ZFHX3: variants seen among roughly 807,000 people sequenced by gnomAD.
ZFHX3 encodes zinc finger homeobox protein 3.
In ZFHX3, 42 loss-of-function variants were observed where a neutral mutation model predicts 279.1. The ratio of observed to expected loss-of-function variants is 0.15; its 90% CI spans 0.12 to 0.19. The LOEUF (loss-of-function observed/expected upper bound fraction) is 0.19. Ranked by LOEUF, ZFHX3 falls within the 10% of genes least tolerant of loss-of-function variation. ZFHX3 has a pLI of 1.00. For missense variants in ZFHX3, 4,981 were observed against 4,754.0 expected (o/e 1.05, Z -1.40); for synonymous variants, 2,293 against 1,957.8 (o/e 1.17, Z -4.52).
At chr16:73,361,326 G>T (rs2016430987) in intron 3 of ZFHX3, among the ~76,000 whole-genome samples, 1 of 152,338 alleles carries the variant, frequency 6.6e-6, no homozygotes, top group East Asian at 1.9e-4. Context: ...CTTGCACTTG[G>T]GGCTTGCCCC....
chr16:73,180,670 T>C lies in ZFHX3; in HGVS notation c.-1103-36839A>G, dbSNP rs556194085. On this transcript the variant is annotated intron_variant, in intron 5 of 17. Coordinates refer to the ZFHX3 transcript ENST00000641206. ...TTGCTTACTGTCATTCTGCTGCTGT[T>C]TTTTTTTTTTGAGACAGAATCTCAC... is the stretch of plus-strand genomic sequence containing the variant. Among the ~76,000 whole-genome samples, 1,393 of 150,956 alleles carry C rather than the reference T, an allele frequency of 9.2e-3. 21 individuals are homozygous for C. Among genetic ancestry groups the C allele is most frequent in the African/African-American group, 0.032 (1,335 of 41,348 alleles).
intron 1 of ZFHX3, among the ~76,000 whole-genome samples, chr16:73,762,216 A>T (rs748634865): frequency 1.8e-4 from 27 of 152,232 alleles, no homozygotes; most frequent in Non-Finnish European, 3.5e-4. Context: ...TATGTGGCCA[A>T]CAAACATATG....
chr16:72,976,883 C>A (rs1204988350), intron 1 of ZFHX3, among the ~76,000 whole-genome samples: 2 of 151,764 alleles, frequency 1.3e-5, no homozygotes, highest in South Asian at 2.1e-4. Context: ...TCAACTCCGC[C>A]AGTGCCCCGG....
chr16:73,154,097 G>A (rs774499431), intron 5 of ZFHX3, among the ~76,000 whole-genome samples: 5 of 152,178 alleles, frequency 3.3e-5, no homozygotes, highest in Non-Finnish European at 7.3e-5. Flanking sequence ...GCGAAAATGT[G>A]CAATCTTTGG....
chr16:73,228,664 A>G (rs533561167), intron 5 of ZFHX3, among the ~76,000 whole-genome samples: 4 of 152,300 alleles, frequency 2.6e-5, no homozygotes, highest in East Asian at 3.9e-4. Flanking sequence ...CCCTGTCTCA[A>G]AAAACAAGAC....
At chr16:73,585,916 T>C (rs2051921354) in intron 2 of ZFHX3, among the ~76,000 whole-genome samples, 1 of 151,646 alleles carries the variant, frequency 6.6e-6, no homozygotes. Flanking sequence ...AAAGTAGTAG[T>C]AGAAAAAAAT....
intron 3 of ZFHX3, among the ~76,000 whole-genome samples, chr16:72,904,776 G>C (rs546249622): frequency 1.4e-5 from 1 of 70,852 alleles, no homozygotes; most frequent in Non-Finnish European, 3.1e-5. Context: ...CCTTGCCTGT[G>C]GGGGGGGTCC....
chr16:73,019,507 C>T (rs891099097), intron 1 of ZFHX3, among the ~76,000 whole-genome samples: 1 of 152,200 alleles, frequency 6.6e-6, no homozygotes, highest in Non-Finnish European at 1.5e-5. Flanking sequence ...CTGCCTGGAC[C>T]CCTGCAGCCC....
chr16:73,212,138 T>G (rs1488937926), intron 5 of ZFHX3, among the ~76,000 whole-genome samples: 1 of 149,288 alleles, frequency 6.7e-6, no homozygotes, highest in Non-Finnish European at 1.5e-5. Context: ...TTTTAAAAAG[T>G]ACAGAGAAAA....
At chr16:73,769,580 C>A (rs2053994844) in intron 1 of ZFHX3, among the ~76,000 whole-genome samples, 1 of 152,112 alleles carries the variant, frequency 6.6e-6, no homozygotes, top group Non-Finnish European at 1.5e-5. Flanking sequence ...TCTACAAATA[C>A]AGAAAATCAA....
intron 5 of ZFHX3, among the ~76,000 whole-genome samples, chr16:72,824,211 T>C (rs2036875678): frequency 6.6e-6 from 1 of 152,126 alleles, no homozygotes; most frequent in South Asian, 2.1e-4. Flanking sequence ...ATGTTAAACA[T>C]GTCAAATCCG....
intron 3 of ZFHX3, among the ~76,000 whole-genome samples, chr16:73,325,157 C>T (rs1309672158): frequency 1.3e-5 from 2 of 152,074 alleles, no homozygotes; most frequent in Non-Finnish European, 2.9e-5. Flanking sequence ...AGGCAAGAGG[C>T]AATATGGTAG....
chr16:73,159,961 C>T (rs1967188293), intron 5 of ZFHX3, among the ~76,000 whole-genome samples: 1 of 152,084 alleles, frequency 6.6e-6, no homozygotes, highest in South Asian at 2.1e-4. Flanking sequence ...TGGGGTTTTG[C>T]CATGTTGACC....
chr16:73,674,593 T>C (rs961648538), intron 2 of ZFHX3, among the ~76,000 whole-genome samples: 3 of 152,218 alleles, frequency 2.0e-5, no homozygotes, highest in Admixed American at 6.5e-5. Context: ...GCTGTATCCA[T>C]GCCCTTGCAA....
chr16:73,052,788 T>A (rs1379894821), upstream of ZFHX3, among the ~76,000 whole-genome samples: 1 of 152,196 alleles, frequency 6.6e-6, no homozygotes, highest in Non-Finnish European at 1.5e-5. Flanking sequence ...AGCAATTGTG[T>A]GGGGAAGTCT....
At chr16:73,685,514 T>C (rs531990533) in intron 1 of ZFHX3, among the ~76,000 whole-genome samples, 3 of 152,202 alleles carry the variant, frequency 2.0e-5, no homozygotes, top group Admixed American at 6.5e-5. Flanking sequence ...ATCACAGCCC[T>C]GCCAACCTCT....
At chr16:73,142,640 G>A (rs1966850572) in intron 6 of ZFHX3, among the ~76,000 whole-genome samples, 1 of 152,226 alleles carries the variant, frequency 6.6e-6, no homozygotes, top group Non-Finnish European at 1.5e-5. Context: ...GGGTAGTGTG[G>A]AATGTGATAA....
At chr16:73,257,502 A>C (rs185470495) in intron 4 of ZFHX3, among the ~76,000 whole-genome samples, 42 of 152,332 alleles carry the variant, frequency 2.8e-4, no homozygotes, top group African/African-American at 9.9e-4. Context: ...AAGAGAGTGA[A>C]AACTGAATAC....
intron 1 of ZFHX3, among the ~76,000 whole-genome samples, chr16:73,685,413 C>G (rs1040583078): frequency 6.6e-6 from 1 of 152,226 alleles, no homozygotes; most frequent in East Asian, 1.9e-4. Context: ...GCTTTGAAGA[C>G]TGAAGCAGGC....
Sources: gnomAD v4.1 joint callset for allele counts (sites outside exome capture counted in the v4.1 genomes callset) on GRCh38, gnomAD v4.1.1 for gene constraint, MANE v1.5 for transcripts, NCBI Gene and HGNC (gene_info 2026-07-23, HGNC 2026-07-21) for gene names.